Variants in LIN52 observed in about 807,000 individuals in gnomAD.
LIN52 encodes lin-52 DREAM MuvB core complex component.
In LIN52, 4 loss-of-function variants were observed where a neutral mutation model predicts 18.5. The observed-to-expected ratio is 0.22, with a 90% CI of 0.11 to 0.49. The LOEUF (loss-of-function observed/expected upper bound fraction) is 0.49. Ranked by LOEUF, LIN52 falls within the 20% of genes least tolerant of loss-of-function variation. The pLI is 0.97. For synonymous variants in LIN52, 34 were observed against 45.5 expected, an observed-to-expected ratio of 0.75 and a Z score of 1.02; for missense variants, 102 against 139.5, an observed-to-expected ratio of 0.73 and a Z score of 1.35.
intron 5 of LIN52, among the ~76,000 whole-genome samples, chr14:74,164,582 G>T (rs552812771): frequency 6.6e-6 from 1 of 152,210 alleles, no homozygotes; most frequent in East Asian, 1.9e-4. Flanking sequence ...CACCATGCCC[G>T]GCCTGCACTG....
chr14:74,159,535 T>C (rs757607184), intron 5 of LIN52, among the ~76,000 whole-genome samples: 7 of 151,714 alleles, frequency 4.6e-5, no homozygotes, highest in Non-Finnish European at 7.4e-5. Flanking sequence ...GTAGCCATGG[T>C]TCTTAACCTA....
intron 5 of LIN52, among the ~76,000 whole-genome samples, chr14:74,177,670 G>T (rs1261478816): frequency 6.6e-6 from 1 of 152,186 alleles, no homozygotes; most frequent in Non-Finnish European, 1.5e-5. Flanking sequence ...GGATGGAAAA[G>T]AATGATGTAT....
intron 2 of LIN52, among the ~76,000 whole-genome samples, chr14:74,095,486 A>G (rs1452664447): frequency 1.3e-5 from 2 of 151,978 alleles, no homozygotes. Context: ...GCCCAGGCTG[A>G]TCTTCAAGGG....
At chr14:74,182,560 C>G (rs548321138) in intron 5 of LIN52, among the ~76,000 whole-genome samples, 2 of 129,402 alleles carry the variant, frequency 1.5e-5, no homozygotes, top group South Asian at 2.4e-4. Flanking sequence ...AGAATGATCG[C>G]AGTAAAATTG....
chr14:74,097,914 C>A, intron 4 of LIN52, 54 bp downstream of exon 4: 2 of 1,313,940 alleles, frequency 1.5e-6, no homozygotes, highest in Non-Finnish European at 2.2e-6. Flanking sequence ...TTCCATAGAC[C>A]ACCTCTCTAT....
At chr14:74,181,107 CAAAAAAAA>C (rs149099646) in intron 5 of LIN52, among the ~76,000 whole-genome samples, 20 of 96,116 alleles carry the variant, frequency 2.1e-4, no homozygotes, top group African/African-American at 6.9e-4. Flanking sequence ...GACTCTGTCT[CAAAAAAAA>C]AAAAAAAAAA....
chr14:74,116,898 T>G (rs2060968788), intron 5 of LIN52, among the ~76,000 whole-genome samples: 1 of 151,626 alleles, frequency 6.6e-6, no homozygotes, highest in South Asian at 2.1e-4. Context: ...CACCAGTATG[T>G]TTTAATGACT....
chr14:74,197,262 CA>C (rs2078918786), intron 5 of LIN52, among the ~76,000 whole-genome samples: 1 of 152,170 alleles, frequency 6.6e-6, no homozygotes, highest in Non-Finnish European at 1.5e-5. Context: ...ACTCAGCAGA[CA>C]CTAGGTCTGC....
chr14:74,105,258 G>C (rs1299830200), intron 5 of LIN52, among the ~76,000 whole-genome samples: 1 of 152,036 alleles, frequency 6.6e-6, no homozygotes, highest in Non-Finnish European at 1.5e-5. Flanking sequence ...TGGGGGTGGG[G>C]GTTTGAAGTC....
intron 5 of LIN52, among the ~76,000 whole-genome samples, chr14:74,162,685 C>T (rs571776142): frequency 8.5e-4 from 130 of 152,184 alleles, no homozygotes; most frequent in African/African-American, 1.6e-3. Flanking sequence ...TGAGCCACTG[C>T]GCCCAGCCGA....
At chr14:74,110,290 C>T (rs1165645437) in intron 5 of LIN52, among the ~76,000 whole-genome samples, 11 of 152,064 alleles carry the variant, frequency 7.2e-5, no homozygotes, top group Non-Finnish European at 1.0e-4. Context: ...AGAGGGATGC[C>T]AAGCGGGGAT....
intron 5 of LIN52, among the ~76,000 whole-genome samples, chr14:74,175,079 C>T (rs2061287139): frequency 7.1e-6 from 1 of 140,270 alleles, no homozygotes; most frequent in African/African-American, 2.6e-5. Context: ...ATGAGTGGAA[C>T]TTATAGGACT....
At chr14:74,087,522 A>G (rs915272836) in intron 1 of LIN52, among the ~76,000 whole-genome samples, 2 of 152,032 alleles carry the variant, frequency 1.3e-5, no homozygotes, top group Admixed American at 6.6e-5. Flanking sequence ...TCTCTTACAA[A>G]GTTTCACTCC....
At position 74,185,180 on chromosome 14, in the gene LIN52, G is replaced by T. The variant is rs1297835080; in HGVS notation, c.284-13742G>T. 2.0e-5 allele frequency among the ~76,000 whole-genome samples: 3 copies of T among 151,780 alleles called. No homozygotes were observed. In the South Asian group the frequency reaches 6.2e-4, roughly 31 times the overall value. On this transcript the variant is annotated intron_variant, in intron 5 of 5. Coordinates refer to ENST00000555028, the MANE Select transcript of LIN52 (RefSeq NM_001024674.3). ...TCTCTAGGCCTGTTCTATGAACAGG[G>T]TAGGTAAATATGGTTTTAGTGAAAA... is the stretch of plus-strand genomic sequence containing the variant.
chr14:74,157,865 T>G (rs2061206479), intron 5 of LIN52, among the ~76,000 whole-genome samples: 1 of 152,148 alleles, frequency 6.6e-6, no homozygotes, highest in Non-Finnish European at 1.5e-5. Context: ...TCTGGGGATT[T>G]CCTATGGAAG....
At chr14:74,194,023 T>G (rs2078896036) in intron 5 of LIN52, among the ~76,000 whole-genome samples, 1 of 152,256 alleles carries the variant, frequency 6.6e-6, no homozygotes, top group South Asian at 2.1e-4. Flanking sequence ...TTCTTAAAAT[T>G]TACATTGTTC....
chr14:74,133,023 AAAC>A (rs1375207339), intron 5 of LIN52, among the ~76,000 whole-genome samples: 8 of 152,280 alleles, frequency 5.3e-5, no homozygotes, highest in African/African-American at 1.4e-4. Context: ...TTAAAAAAAA[AAAC>A]AACCCATTTC....
chr14:74,141,268 G>C (rs1025129522), intron 5 of LIN52, among the ~76,000 whole-genome samples: 1 of 152,072 alleles, frequency 6.6e-6, no homozygotes, highest in East Asian at 1.9e-4. Flanking sequence ...GACATTTTCT[G>C]TACATAGTAA....
At chr14:74,115,353 T>C (rs2060958657) in intron 5 of LIN52, among the ~76,000 whole-genome samples, 1 of 152,254 alleles carries the variant, frequency 6.6e-6, no homozygotes, top group Admixed American at 6.5e-5. Flanking sequence ...AGGCGAACTT[T>C]TTTTTTCCAT....
Sources: gnomAD v4.1 joint callset for allele counts (sites outside exome capture counted in the v4.1 genomes callset) on GRCh38, gnomAD v4.1.1 for gene constraint, MANE v1.5 for transcripts, NCBI Gene and HGNC (gene_info 2026-07-23, HGNC 2026-07-21) for gene names.